Variants in AADAT observed in about 807,000 individuals in gnomAD.
The protein encoded by AADAT is kynurenine/alpha-aminoadipate aminotransferase, mitochondrial.
A neutral mutation model predicts 56.2 loss-of-function variants in AADAT; 25 were observed. The ratio of observed to expected loss-of-function variants is 0.44; its 90% CI spans 0.32 to 0.62. The LOEUF (loss-of-function observed/expected upper bound fraction) is 0.62. AADAT is among the 20% of genes least tolerant of loss of function. The pLI, the probability that AADAT is intolerant of heterozygous loss-of-function variation, is 0.04. For missense variants in AADAT, 387 were observed against 510.5 expected (o/e 0.76, Z 2.33); for synonymous variants, 173 against 164.7 (o/e 1.05, Z -0.39).
intron 3 of AADAT, among the ~76,000 whole-genome samples, chr4:170,080,147 C>T (rs554058560): frequency 6.6e-6 from 1 of 152,110 alleles, no homozygotes; most frequent in Non-Finnish European, 1.5e-5. Context: ...TTCCCTCCCA[C>T]AAAACCACTA....
intron 4 of AADAT, 59 bp from the exon 5 acceptor site, chr4:170,073,404 T>G (rs1581581022): frequency 8.8e-6 from 2 of 226,902 alleles, no homozygotes; most frequent in Non-Finnish European, 1.1e-5. Flanking sequence ...GTGCTATTGG[T>G]TTTTTTTTTT....
chr4:170,079,364 G>A (rs540112578), intron 3 of AADAT, among the ~76,000 whole-genome samples: 1 of 152,300 alleles, frequency 6.6e-6, no homozygotes, highest in South Asian at 2.1e-4. Context: ...AGGCATTTGA[G>A]CCAAGGGAGG....
chr4:170,071,876 T>TA (rs1321614111), intron 5 of AADAT, among the ~76,000 whole-genome samples: 1 of 151,946 alleles, frequency 6.6e-6, no homozygotes, highest in Non-Finnish European at 1.5e-5. Context: ...ACGACAGGAA[T>TA]AAAGGGTAAC....
chr4:170,093,556 C>G (rs1032297301), upstream of AADAT, among the ~76,000 whole-genome samples: 3 of 152,172 alleles, frequency 2.0e-5, no homozygotes, highest in Non-Finnish European at 2.9e-5. Context: ...ATGCACCCGT[C>G]TGTGATTTGT....
chr4:170,089,175 C>T (rs1420337169), intron 1 of AADAT: 2 of 299,768 alleles, frequency 6.7e-6, no homozygotes, highest in Admixed American at 4.9e-5. Context: ...ATCAGAAAGA[C>T]AGCAAAGGGC....
chr4:170,085,323 A>G (rs1581596447), intron 3 of AADAT, among the ~76,000 whole-genome samples: 1 of 152,158 alleles, frequency 6.6e-6, no homozygotes, highest in Admixed American at 6.6e-5. Context: ...TATATTTTTC[A>G]TATCAGTTAG....
At chr4:170,088,821 A>C (rs1732692105) in intron 1 of AADAT, among the ~76,000 whole-genome samples, 1 of 152,078 alleles carries the variant, frequency 6.6e-6, no homozygotes, top group Non-Finnish European at 1.5e-5. Flanking sequence ...GTGCACTTAT[A>C]AAAGAGGGCT....
At chr4:170,090,097 T>G (rs1732762096), upstream of AADAT, 1 of 151,740 alleles carries the variant, frequency 6.6e-6, no homozygotes, top group African/African-American at 2.4e-5. Flanking sequence ...GGGCGCGGGG[T>G]AGCCCAGGCG....
chr4:170,081,134 T>C (rs1271437108), intron 3 of AADAT, among the ~76,000 whole-genome samples: 1 of 152,034 alleles, frequency 6.6e-6, no homozygotes, highest in Non-Finnish European at 1.5e-5. Context: ...ACCCCAGAAA[T>C]TTTGGAACTG....
chr4:170,072,289 ATGTG>A (rs561204228), intron 5 of AADAT, among the ~76,000 whole-genome samples: 5 of 139,028 alleles, frequency 3.6e-5, no homozygotes, highest in African/African-American at 8.7e-5. Flanking sequence ...GTGTATATAT[ATGTG>A]TGTGTGTATA....
upstream of AADAT, among the ~76,000 whole-genome samples, chr4:170,090,695 T>G (rs1257360033): frequency 1.3e-5 from 2 of 152,182 alleles, no homozygotes; most frequent in Non-Finnish European, 2.9e-5. Flanking sequence ...AAATAACCCT[T>G]CTTACTCCCC....
intron 8 of AADAT, among the ~76,000 whole-genome samples, chr4:170,068,054 G>A (rs553943827): frequency 6.0e-5 from 9 of 150,262 alleles, no homozygotes; most frequent in Admixed American, 2.0e-4. Context: ...CAGGAGAATC[G>A]CTTGAACCCG....
intron 10 of AADAT, among the ~76,000 whole-genome samples, chr4:170,065,682 G>T (rs1731424814): frequency 6.6e-6 from 1 of 152,026 alleles, no homozygotes; most frequent in African/African-American, 2.4e-5. Flanking sequence ...TATATTTTTA[G>T]TAGAGATGGG....
rs1405266555 is a variant in AADAT at position 170,060,292 on chromosome 4, TAA to T, written c.*634_*635del. The T allele has an allele frequency of 1.3e-5, 2 of 152,068 alleles. No homozygotes were observed. Among genetic ancestry groups the T allele is most frequent in the East Asian group, 3.9e-4 (2 of 5,192 alleles). The allele number at this position is 152,068 out of a possible 1,614,324, so 9.4% of individuals were successfully genotyped here. ...AACATAAGGTTTATGGTACTTTTAC[TAA>T]AAGTCACTTATAATGACCAAATTAT... is the stretch of plus-strand genomic sequence containing the variant. On this transcript the variant is annotated 3_prime_UTR_variant, in exon 13 of 13. Coordinates refer to ENST00000337664, the MANE Select transcript of AADAT (RefSeq NM_016228.4).
intron 1 of AADAT, chr4:170,089,299 A>G (rs772647934): frequency 2.9e-4 from 158 of 543,306 alleles, no homozygotes; most frequent in Non-Finnish European, 5.2e-5. Context: ...CACGCTGTGC[A>G]TGCCCCTTCT....
chr4:170,078,996 G>A (rs1389416335), intron 3 of AADAT, among the ~76,000 whole-genome samples: 1 of 151,966 alleles, frequency 6.6e-6, no homozygotes, highest in South Asian at 2.1e-4. Flanking sequence ...TTTACTATAC[G>A]CCAGGCCTGT....
chr4:170,094,286 G>A (rs1732942680), upstream of AADAT, among the ~76,000 whole-genome samples: 1 of 152,254 alleles, frequency 6.6e-6, no homozygotes, highest in African/African-American at 2.4e-5. Flanking sequence ...CCAGACAATA[G>A]AAGCTGAAGA....
intron 10 of AADAT, among the ~76,000 whole-genome samples, chr4:170,065,797 A>G (rs1348520990): frequency 3.3e-5 from 5 of 152,230 alleles, no homozygotes; most frequent in Non-Finnish European, 7.3e-5. Flanking sequence ...CACTGCACTC[A>G]GCCACTAATT....
rs1189654659 is a variant in AADAT at position 170,060,262 on chromosome 4, G to A, written c.*666C>T. The stretch of plus-strand genomic sequence containing the variant: ...AATTTTATTTTAAAGGAATTTCTGT[G>A]GCATAACATAAGGTTTATGGTACTT... On this transcript the variant is annotated 3_prime_UTR_variant, in exon 13 of 13. Transcript: ENST00000337664. 1 of 151,996 alleles carries A rather than the reference G, an allele frequency of 6.6e-6. No homozygotes were observed. The highest frequency in any genetic ancestry group is 2.4e-5 in the African/African-American group (1 of 41,386). The allele number at this position is 151,996 out of a possible 1,614,324, so 9.4% of individuals were successfully genotyped here. A position where few individuals can be genotyped will look rare whatever the true frequency, so the allele number is the denominator to read the frequency against.
Sources: gnomAD v4.1 joint callset for allele counts (sites outside exome capture counted in the v4.1 genomes callset) on GRCh38, gnomAD v4.1.1 for gene constraint, MANE v1.5 for transcripts, NCBI Gene and HGNC (gene_info 2026-07-23, HGNC 2026-07-21) for gene names.